The following TSHZ2 variants were observed in gnomAD, a reference collection of about 807,000 sequenced individuals.
The protein encoded by TSHZ2 is teashirt zinc finger homeobox 2.
TSHZ2 carries 21 observed loss-of-function variants against 74.4 expected under a neutral mutation model. That is an observed-to-expected ratio of 0.28 (90% CI 0.20 to 0.41). The LOEUF (loss-of-function observed/expected upper bound fraction) is 0.41. Among genes scored for constraint, TSHZ2 ranks in the 10% least tolerant of loss-of-function variants. The probability of loss-of-function intolerance (pLI) is 1.00; values close to 1 mark genes in which losing one functional copy is unlikely to be tolerated. For synonymous variants in TSHZ2, 540 were observed against 515.3 expected (o/e 1.05, Z -0.65); for missense variants, 1,244 against 1,293.5 (o/e 0.96, Z 0.59).
chr20:53,278,243 G>T (rs1990984653), intron 2 of TSHZ2, among the ~76,000 whole-genome samples: 1 of 152,194 alleles, frequency 6.6e-6, no homozygotes, highest in African/African-American at 2.4e-5. Context: ...GATAGCTGGA[G>T]CTTGGCCTAA....
chr20:53,315,960 C>T (rs945629767), intron 2 of TSHZ2, among the ~76,000 whole-genome samples: 5 of 151,854 alleles, frequency 3.3e-5, no homozygotes, highest in African/African-American at 9.7e-5. Flanking sequence ...AAAAAGGAGC[C>T]GAGGAGGACA....
At chr20:53,197,126 CT>C (rs577298624) in intron 1 of TSHZ2, among the ~76,000 whole-genome samples, 13 of 152,308 alleles carry the variant, frequency 8.5e-5, no homozygotes, top group Middle Eastern at 3.4e-3. Flanking sequence ...GTTGTATATA[CT>C]TTTAGCAGTT....
intron 1 of TSHZ2, among the ~76,000 whole-genome samples, chr20:52,987,541 C>T (rs1337081945): frequency 6.6e-6 from 1 of 151,746 alleles, no homozygotes; most frequent in Non-Finnish European, 1.5e-5. Context: ...TCCTCTCTCT[C>T]TCTCTCCCCT....
chr20:53,479,169 TAAAA>T (rs71194483), intron 2 of TSHZ2, among the ~76,000 whole-genome samples: 9 of 126,250 alleles, frequency 7.1e-5, no homozygotes, highest in African/African-American at 2.3e-4. Flanking sequence ...TGTCTCAATT[TAAAA>T]AAAAAAAAAA....
chr20:53,125,164 G>A (rs1228305651), intron 1 of TSHZ2, among the ~76,000 whole-genome samples: 2 of 152,182 alleles, frequency 1.3e-5, no homozygotes, highest in African/African-American at 4.8e-5. Flanking sequence ...TGATTTTGAG[G>A]ATTAAATGAA....
rs1174925403 is a variant in TSHZ2 at position 53,471,615 on chromosome 20, CAA to C, written c.*9-15527_*9-15526del. ...CAAGGATGAAAAGGTGCTGGCCAAACAAAGAGTGGGAAGAAGAGCATGCTAAG... is the reference window on the plus strand; with the variant it reads ...CAAGGATGAAAAGGTGCTGGCCAAACAGAGTGGGAAGAAGAGCATGCTAAG... On this transcript the variant is annotated intron_variant, in intron 2 of 2. Transcript: ENST00000371497. Among the ~76,000 whole-genome samples, 5 of 152,062 alleles carry C rather than the reference CAA, an allele frequency of 3.3e-5. No homozygotes were observed. In the East Asian group the frequency reaches 7.7e-4, roughly 23 times the overall value.
intron 1 of TSHZ2, among the ~76,000 whole-genome samples, chr20:53,169,518 C>G (rs1025373854): frequency 1.3e-5 from 2 of 152,166 alleles, no homozygotes; most frequent in African/African-American, 2.4e-5. Context: ...TACCTAAAAC[C>G]CTTTTCTTCC....
intron 2 of TSHZ2, among the ~76,000 whole-genome samples, chr20:53,373,010 C>T (rs1283393265): frequency 3.3e-5 from 5 of 152,144 alleles, no homozygotes; most frequent in Non-Finnish European, 4.4e-5. Flanking sequence ...CTTTATGAAT[C>T]TCCTTTCCAT....
At chr20:53,186,382 A>G (rs556224455) in intron 1 of TSHZ2, among the ~76,000 whole-genome samples, 2 of 152,328 alleles carry the variant, frequency 1.3e-5, no homozygotes, top group South Asian at 4.1e-4. Flanking sequence ...CTTTTCTACA[A>G]TACAACTTTC....
chr20:53,307,833 A>T (rs1978610262), intron 2 of TSHZ2, among the ~76,000 whole-genome samples: 1 of 151,786 alleles, frequency 6.6e-6, no homozygotes, highest in African/African-American at 2.4e-5. Flanking sequence ...GGGCGGCTCT[A>T]AACCAGTAGA....
At chr20:53,148,728 A>G (rs1335923450) in intron 1 of TSHZ2, among the ~76,000 whole-genome samples, 1 of 152,226 alleles carries the variant, frequency 6.6e-6, no homozygotes, top group Non-Finnish European at 1.5e-5. Context: ...TGAGATTGCC[A>G]TCAACATAAA....
rs546821284 is a variant in TSHZ2 at position 53,144,773 on chromosome 20, T to G, written c.41-108726T>G. Among the ~76,000 whole-genome samples, 7 of 152,080 alleles carry G rather than the reference T, an allele frequency of 4.6e-5. No homozygotes were observed. In the South Asian group the frequency reaches 1.5e-3, roughly 32 times the overall value. On this transcript the variant is annotated intron_variant, in intron 1 of 2. Transcript: ENST00000371497. ...TCCTCGTACTATGAGGTTATATGGG[T>G]AAACACACTGACTCAAGATTCATGC...
chr20:53,001,222 G>GTGTGTGTATGTGTGTGTGTGTGTGTGTA (rs1568713476), intron 1 of TSHZ2, among the ~76,000 whole-genome samples: 231 of 147,376 alleles, frequency 1.6e-3, no homozygotes, highest in African/African-American at 5.6e-3. Flanking sequence ...GTGTGTGTGT[G>GTGTGTGTATGTGTGTGTGTGTGTGTGTA]TGTGTGTGTG....
At chr20:53,448,174 G>T (rs1462765649) in intron 2 of TSHZ2, among the ~76,000 whole-genome samples, 1 of 152,164 alleles carries the variant, frequency 6.6e-6, no homozygotes, top group Non-Finnish European at 1.5e-5. Context: ...CCTCCTGGAA[G>T]AAGACTTTAA....
At chr20:53,267,686 A>G (rs1285311546) in intron 2 of TSHZ2, among the ~76,000 whole-genome samples, 2 of 152,206 alleles carry the variant, frequency 1.3e-5, no homozygotes, top group Non-Finnish European at 1.5e-5. Flanking sequence ...GATGCTTGCA[A>G]TAGTCAAGGT....
chr20:53,235,546 C>T (rs189613340), intron 1 of TSHZ2, among the ~76,000 whole-genome samples: 8 of 152,212 alleles, frequency 5.3e-5, no homozygotes, highest in African/African-American at 7.2e-5. Context: ...GCCCGAAATC[C>T]CTCACATAAA....
intron 1 of TSHZ2, among the ~76,000 whole-genome samples, chr20:53,126,606 C>T (rs1986952794): frequency 1.3e-5 from 2 of 152,274 alleles, no homozygotes; most frequent in South Asian, 4.2e-4. Flanking sequence ...GCTATTGTGA[C>T]ATGCCATTAA....
Position 53,253,479 on chromosome 20 carries a change from CTCT to C in TSHZ2, c.41-10_41-8del, listed in dbSNP as rs150956286. On this transcript the variant is annotated splice_polypyrimidine_tract_variant and intron_variant, in intron 1 of 2. Coordinates refer to ENST00000371497, the MANE Select transcript of TSHZ2 (RefSeq NM_173485.6). ...ATGGAGCCTGTTACTGTCGTTTCAT[CTCT>C]TCTTCTTCTCTTGCAGGCTACGCCC... The C allele has an allele frequency of 9.2e-5, 143 of 1,553,830 alleles. No individual in the cohort carries two copies. The African/African-American group carries it at 1.3e-3, about 14-fold the overall frequency.
chr20:53,157,219 T>C (rs944241612), intron 1 of TSHZ2, among the ~76,000 whole-genome samples: 1 of 152,170 alleles, frequency 6.6e-6, no homozygotes, highest in Non-Finnish European at 1.5e-5. Flanking sequence ...AGGAACAATT[T>C]TTTTTAGAGC....
Sources: allele counts gnomAD v4.1 joint callset (sites outside exome capture counted in the v4.1 genomes callset), GRCh38; gene constraint gnomAD v4.1.1; transcripts MANE v1.5; gene names NCBI Gene and HGNC (gene_info 2026-07-23, HGNC 2026-07-21).